Variants in ADGRB3 observed in about 807,000 individuals in gnomAD.
ADGRB3 encodes adhesion G protein-coupled receptor B3.
A neutral mutation model predicts 193.4 loss-of-function variants in ADGRB3; 37 were observed. The ratio of observed to expected loss-of-function variants is 0.19; its 90% CI spans 0.15 to 0.25. ADGRB3 has a LOEUF of 0.25. ADGRB3 is among the 10% of genes least tolerant of loss of function. ADGRB3 has a pLI of 1.00. For synonymous variants in ADGRB3, 690 were observed against 644.2 expected (o/e 1.07, Z -1.08); for missense variants, 1,637 against 1,852.9 (o/e 0.88, Z 2.14).
chr6:69,082,802 A>G (rs1772425999), intron 17 of ADGRB3, among the ~76,000 whole-genome samples: 1 of 152,228 alleles, frequency 6.6e-6, no homozygotes, highest in South Asian at 2.1e-4. Flanking sequence ...CACTCATTGT[A>G]CTTTATCTCT....
chr6:69,171,524 A>C (rs1775271013), intron 17 of ADGRB3, among the ~76,000 whole-genome samples: 1 of 152,162 alleles, frequency 6.6e-6, no homozygotes. Flanking sequence ...AGTTGTATGA[A>C]GATGCATATG....
rs140984824 is a variant in ADGRB3, at chr6:68,873,001, G to C, written c.758-57558G>C. 2.6e-3 allele frequency among the ~76,000 whole-genome samples: 392 copies of C among 152,232 alleles called. 3 individuals are homozygous for C. The highest frequency in any genetic ancestry group is 8.6e-3 in the African/African-American group (358 of 41,570). ...AGAGAAATGTATTGAATATTTGGCT[G>C]TTTAGATTCATTAATGTAGAGTGGC... On this transcript the variant is annotated intron_variant, in intron 3 of 31. Coordinates refer to ENST00000370598, the MANE Select transcript of ADGRB3 (RefSeq NM_001704.3).
chr6:68,763,420 G>A (rs1223377822), intron 3 of ADGRB3, among the ~76,000 whole-genome samples: 1 of 152,082 alleles, frequency 6.6e-6, no homozygotes, highest in Non-Finnish European at 1.5e-5. Context: ...TTTAATCATT[G>A]AAAAAGACAT....
At chr6:69,171,590 A>G (rs1775272529) in intron 17 of ADGRB3, among the ~76,000 whole-genome samples, 1 of 152,122 alleles carries the variant, frequency 6.6e-6, no homozygotes, top group African/African-American at 2.4e-5. Context: ...TGATCCATAC[A>G]ATTGGAGGAG....
chr6:69,274,049 C>T (rs915034710), intron 20 of ADGRB3, among the ~76,000 whole-genome samples: 1 of 152,150 alleles, frequency 6.6e-6, no homozygotes, highest in Non-Finnish European at 1.5e-5. Flanking sequence ...TGAATAGAGA[C>T]ATCCAAGATC....
At chr6:69,077,147 G>GAT (rs1323566941) in intron 17 of ADGRB3, among the ~76,000 whole-genome samples, 6 of 151,946 alleles carry the variant, frequency 3.9e-5, no homozygotes, top group Admixed American at 1.3e-4. Context: ...TTGCCCTGTT[G>GAT]ATAACATGAG....
chr6:69,146,068 C>A (rs1774483907), intron 17 of ADGRB3, among the ~76,000 whole-genome samples: 2 of 152,154 alleles, frequency 1.3e-5, no homozygotes, highest in Non-Finnish European at 2.9e-5. Flanking sequence ...AGGGACCCTC[C>A]CTTTTCTGCC....
chr6:69,078,363 G>T (rs1009584315), intron 17 of ADGRB3, among the ~76,000 whole-genome samples: 1 of 151,898 alleles, frequency 6.6e-6, no homozygotes. Flanking sequence ...ATATCTCTAA[G>T]ATCATTCCTA....
chr6:68,903,776 C>A (rs370165742), intron 3 of ADGRB3, among the ~76,000 whole-genome samples: 1 of 151,370 alleles, frequency 6.6e-6, no homozygotes, highest in Non-Finnish European at 1.5e-5. Context: ...AGTGGGAAGC[C>A]GAGGTGAGAG....
At chr6:69,040,322 TTTCTTTCTTTCTTTC>T (rs1770997542) in intron 13 of ADGRB3, among the ~76,000 whole-genome samples, 1 of 42,326 alleles carries the variant, frequency 2.4e-5, no homozygotes, top group African/African-American at 7.2e-5. Flanking sequence ...TCTTTCTTTC[TTTCTTTCTTTCTTTC>T]TTTCTTTCTT....
At chr6:68,994,950 A>G (rs1769342451) in intron 11 of ADGRB3, among the ~76,000 whole-genome samples, 1 of 152,172 alleles carries the variant, frequency 6.6e-6, no homozygotes, top group Non-Finnish European at 1.5e-5. Flanking sequence ...AGAATCATGG[A>G]GTCTTTCATA....
Position 68,866,349 on chromosome 6 carries a change from A to G in ADGRB3, c.758-64210A>G, listed in dbSNP as rs142798318. Among the ~76,000 whole-genome samples the G allele has an allele frequency of 3.6e-3, 543 of 152,248 alleles. 1 individual carries two copies. Among genetic ancestry groups the G allele is most frequent in the African/African-American group, 0.012 (502 of 41,524 alleles). On this transcript the variant is annotated intron_variant, in intron 3 of 31. Transcript: ENST00000370598. ...CCCTTTCTTTCTCCTGCTGCCATGTAAGACATGCCTTGCTTCCCCTTCACC... is the reference window on the plus strand; with the variant it reads ...CCCTTTCTTTCTCCTGCTGCCATGTGAGACATGCCTTGCTTCCCCTTCACC...
chr6:68,947,397 T>A (rs1767801413), intron 6 of ADGRB3, among the ~76,000 whole-genome samples: 1 of 152,124 alleles, frequency 6.6e-6, no homozygotes, highest in Admixed American at 6.6e-5. Context: ...AATTTACATA[T>A]TTGAGGATAA....
At chr6:68,689,702 G>GA (rs1050746532) in intron 3 of ADGRB3, among the ~76,000 whole-genome samples, 119 of 146,108 alleles carry the variant, frequency 8.1e-4, no homozygotes, top group African/African-American at 2.1e-3. Context: ...TGAACCAAAA[G>GA]AAAAAAAAAC....
At chr6:69,238,093 G>GGGAGAGAGAGAGACAGACAGAC (rs1766308117) in intron 19 of ADGRB3, among the ~76,000 whole-genome samples, 1 of 152,012 alleles carries the variant, frequency 6.6e-6, no homozygotes, top group South Asian at 2.1e-4. Context: ...CTCAAAGACA[G>GGGAGAGAGAGAGACAGACAGAC]GGAGAGAGAG....
intron 3 of ADGRB3, among the ~76,000 whole-genome samples, chr6:68,774,948 G>A (rs997273796): frequency 6.6e-6 from 1 of 152,030 alleles, no homozygotes; most frequent in African/African-American, 2.4e-5. Context: ...GGTTTTGGAA[G>A]GAGGAGTTCT....
rs572637849 is a variant in ADGRB3, at chr6:68,808,715, A to G, written c.758-121844A>G. On this transcript the variant is annotated intron_variant, in intron 3 of 31. Coordinates refer to ENST00000370598, the MANE Select transcript of ADGRB3 (RefSeq NM_001704.3). ...ATATTCAATGGTAGATATCATAAGGAAAGAAGAGGAGGAGAGAAAAAAGGA... is the reference window on the plus strand; with the variant it reads ...ATATTCAATGGTAGATATCATAAGGGAAGAAGAGGAGGAGAGAAAAAAGGA... Among the ~76,000 whole-genome samples, 29 of 146,602 alleles carry G rather than the reference A, an allele frequency of 2.0e-4. No homozygotes were observed. In the East Asian group the frequency reaches 5.5e-3, roughly 28 times the overall value.
At chr6:69,286,381 C>T (rs893786892) in intron 20 of ADGRB3, among the ~76,000 whole-genome samples, 1 of 152,164 alleles carries the variant, frequency 6.6e-6, no homozygotes, top group Non-Finnish European at 1.5e-5. Flanking sequence ...TAATCCTGGG[C>T]CCTCTTGCTT....
chr6:69,120,446 C>A (rs931850623), intron 17 of ADGRB3, among the ~76,000 whole-genome samples: 3 of 152,200 alleles, frequency 2.0e-5, no homozygotes, highest in African/African-American at 7.2e-5. Context: ...GGACCAGGGA[C>A]TACTTTTCCA....
Sources: gnomAD v4.1 joint callset for allele counts (sites outside exome capture counted in the v4.1 genomes callset) on GRCh38, gnomAD v4.1.1 for gene constraint, MANE v1.5 for transcripts, NCBI Gene and HGNC (gene_info 2026-07-23, HGNC 2026-07-21) for gene names.